LACTB: variants seen among roughly 807,000 people sequenced by gnomAD.
LACTB encodes serine beta-lactamase-like protein LACTB, mitochondrial.
A neutral mutation model predicts 50.2 loss-of-function variants in LACTB; 35 were observed. The observed-to-expected ratio is 0.70, with a 90% confidence interval of 0.53 to 0.92. The LOEUF (loss-of-function observed/expected upper bound fraction) is 0.92, where lower values mean the gene tolerates loss of function less well. Among genes scored for constraint, LACTB ranks in the 40% least tolerant of loss-of-function variants. The pLI, the probability that LACTB is intolerant of heterozygous loss-of-function variation, is 0.00. For synonymous variants in LACTB, 252 were observed against 268.2 expected (o/e 0.94, Z 0.59); for missense variants, 664 against 691.8 (o/e 0.96, Z 0.45).
intron 4 of LACTB, chr15:63,129,222 TTTA>T (rs2037096238): frequency 7.9e-6 from 2 of 254,248 alleles, no homozygotes; most frequent in Non-Finnish European, 1.5e-5. Flanking sequence ...ATTTGCTTAC[TTTA>T]TTATCAGAGA....
At chr15:63,133,517 A>C (rs1161083769) in intron 5 of LACTB, among the ~76,000 whole-genome samples, 1 of 152,160 alleles carries the variant, frequency 6.6e-6, no homozygotes. Context: ...CTAGTTAATC[A>C]GGAGGAGAGG....
intron 5 of LACTB, among the ~76,000 whole-genome samples, chr15:63,137,305 TA>T (rs1030931736): frequency 1.6e-4 from 25 of 152,336 alleles, no homozygotes; most frequent in African/African-American, 6.0e-4. Context: ...AATTTGTTGA[TA>T]GGGGAATCCT....
intron 2 of LACTB, among the ~76,000 whole-genome samples, chr15:63,124,815 A>G (rs1229686097): frequency 6.6e-6 from 1 of 152,068 alleles, no homozygotes; most frequent in Non-Finnish European, 1.5e-5. Context: ...TTAGCCAGCC[A>G]TGCTAGTGCG....
chr15:63,140,987 A>G (rs559772489), intron 5 of LACTB: 2 of 983,836 alleles, frequency 2.0e-6, no homozygotes, highest in East Asian at 1.1e-4. Flanking sequence ...ATATTAACCA[A>G]TACATTTTTG....
intron 1 of LACTB, 113 bp from the exon 2 acceptor site, chr15:63,122,523 G>GC (rs1176338681): frequency 9.5e-5 from 82 of 866,828 alleles, no homozygotes; most frequent in Middle Eastern, 3.0e-4. Flanking sequence ...CGGGGCCCAG[G>GC]TGGAGGGGGC....
In LACTB at chr15:63,141,447, A is replaced by G. The variant is rs1216086833; in HGVS notation, c.1286A>G (p.Asn429Ser). Residue 429 changes from asparagine (N) to serine (S), a missense_variant, in exon 6 of 6, where the codon AAT becomes AGT. Transcript: ENST00000261893. ...GGGCTGTTTAAGAACTCAAATGAAA[A>G]TCTTTTACCTGGATACCTCAAACCA... ...QVGLFKNSNENLLPGYLKPET... is the reference protein window; with the variant it reads ...QVGLFKNSNESLLPGYLKPET... 1 of 1,614,090 alleles carries G rather than the reference A, an allele frequency of 6.2e-7. No individual in the cohort carries two copies. Among genetic ancestry groups the G allele is most frequent in the Non-Finnish European group, 8.5e-7 (1 of 1,180,050 alleles).
At chr15:63,135,257 A>C (rs1454183800) in intron 5 of LACTB, among the ~76,000 whole-genome samples, 1 of 152,174 alleles carries the variant, frequency 6.6e-6, no homozygotes, top group Non-Finnish European at 1.5e-5. Flanking sequence ...TAATTGTTCA[A>C]TTATCAGCTT....
Position 63,121,914 on chromosome 15 carries a change from C to A in LACTB, c.43C>A (p.Pro15Thr), listed in dbSNP as rs1234763364. 2.1e-6 allele frequency: 3 copies of A among 1,422,238 alleles called. No individual in the cohort carries two copies. In the African/African-American group the frequency reaches 4.4e-5, roughly 21 times the overall value. 88.1% of individuals were successfully genotyped at this position (1,422,238 alleles called of 1,614,324 possible). A position where few individuals can be genotyped will look rare whatever the true frequency, so the allele number is the denominator to read the frequency against. Residue 15 changes from proline (P) to threonine (T), a missense_variant, in exon 1 of 6, where the codon CCC becomes ACC. Physicochemically the swap from Pro to Thr is conservative, Grantham distance 38. Coordinates refer to ENST00000261893, the MANE Select transcript of LACTB (RefSeq NM_032857.5). Reference protein sequence around the residue: ...MSAVTARAAAPGGLASSCGRR... With the variant: ...MSAVTARAAATGGLASSCGRR... ...AGCAGTGACTGCCCGGGCTGCCGCC[C>A]CCGGGGGCTTGGCCTCAAGCTGCGG...
rs2036981268 is a variant in LACTB at position 63,122,152 on chromosome 15, A to C, written c.281A>C (p.Gln94Pro). Residue 94 changes from glutamine (Q) to proline (P), a missense_variant, in exon 1 of 6, where the codon CAG becomes CCG. Physicochemically the swap from Gln to Pro is moderately conservative, Grantham distance 76. Transcript: ENST00000261893. ...CAGTCCCTCGCCCCGTGGTCTCCGC[A>C]GACCCCGGCGCCGCCCTGCTCCAGG... ...QEQSLAPWSP[Q>P]TPAPPCSRCF... 5 of 1,511,698 alleles carry C rather than the reference A, an allele frequency of 3.3e-6. No individual in the cohort carries two copies. The highest frequency in any genetic ancestry group is 4.4e-6 in the Non-Finnish European group (5 of 1,137,764). The allele number at this position is 1,511,698 out of a possible 1,614,324, so 93.6% of individuals were successfully genotyped here.
intron 4 of LACTB, among the ~76,000 whole-genome samples, chr15:63,128,938 T>C (rs1417417282): frequency 2.0e-5 from 3 of 152,130 alleles, no homozygotes; most frequent in Non-Finnish European, 4.4e-5. Flanking sequence ...AGACAGGGTT[T>C]CACCATGTTG....
At chr15:63,127,287 C>T (rs1238138426) in intron 3 of LACTB, 66 bp from the exon 4 acceptor site, 13 of 1,239,104 alleles carry the variant, frequency 1.0e-5, no homozygotes, top group Admixed American at 7.2e-5. Context: ...GACATTATTC[C>T]GAGGCAACTA....
chr15:63,123,425 C>G (rs901302865), intron 2 of LACTB, among the ~76,000 whole-genome samples: 11 of 152,116 alleles, frequency 7.2e-5, no homozygotes, highest in Non-Finnish European at 1.0e-4. Context: ...GGGTTATACA[C>G]TATTGTAGGG....
intron 5 of LACTB, among the ~76,000 whole-genome samples, chr15:63,134,978 A>G (rs2037163623): frequency 6.6e-6 from 1 of 152,212 alleles, no homozygotes; most frequent in African/African-American, 2.4e-5. Context: ...GGGGCTTTGG[A>G]AGAGAATTTT....
intron 5 of LACTB, among the ~76,000 whole-genome samples, chr15:63,139,324 C>T (rs1044184912): frequency 2.6e-5 from 4 of 151,624 alleles, no homozygotes; most frequent in Admixed American, 6.6e-5. Flanking sequence ...CTGCTGCACT[C>T]CAGCCTGGGC....
intron 5 of LACTB, among the ~76,000 whole-genome samples, chr15:63,139,111 G>A (rs968605667): frequency 5.3e-5 from 8 of 150,164 alleles, no homozygotes; most frequent in South Asian, 2.1e-4. Flanking sequence ...CACTTTGGGA[G>A]GCCGAGGCAG....
intron 5 of LACTB, among the ~76,000 whole-genome samples, chr15:63,134,438 C>G (rs1365650126): frequency 6.6e-6 from 1 of 152,112 alleles, no homozygotes; most frequent in African/African-American, 2.4e-5. Context: ...CCAGATTCAT[C>G]CATCTTACTG....
At chr15:63,125,569 A>C (rs1473312951) in intron 2 of LACTB, among the ~76,000 whole-genome samples, 1 of 152,204 alleles carries the variant, frequency 6.6e-6, no homozygotes, top group Non-Finnish European at 1.5e-5. Context: ...AAATTATATA[A>C]ATGTCAGCTT....
intron 5 of LACTB, 106 bp downstream of exon 5, chr15:63,129,756 A>T: frequency 7.5e-7 from 1 of 1,328,692 alleles, no homozygotes; most frequent in East Asian, 2.8e-5. Flanking sequence ...AACCTGCCAC[A>T]TTTTGGGAGC....
chr15:63,129,073 C>G (rs949356246), intron 4 of LACTB, among the ~76,000 whole-genome samples: 1 of 152,134 alleles, frequency 6.6e-6, no homozygotes, highest in Non-Finnish European at 1.5e-5. Flanking sequence ...AACGTGTTTG[C>G]CCATTTATGC....
Sources: gnomAD v4.1 joint callset for allele counts (sites outside exome capture counted in the v4.1 genomes callset) on GRCh38, gnomAD v4.1.1 for gene constraint, MANE v1.5 for transcripts, NCBI Gene and HGNC (gene_info 2026-07-23, HGNC 2026-07-21) for gene names.